Variants in SLC16A10 observed in about 807,000 individuals in gnomAD.
The protein encoded by SLC16A10 is solute carrier family 16 member 10.
A neutral mutation model predicts 40.0 loss-of-function variants in SLC16A10; 27 were observed. The ratio of observed to expected loss-of-function variants is 0.67; its 90% confidence interval spans 0.50 to 0.93. The LOEUF (loss-of-function observed/expected upper bound fraction) is 0.93, where lower values mean the gene tolerates loss of function less well. Ranked by LOEUF, SLC16A10 falls within the 40% of genes least tolerant of loss-of-function variation. The pLI is 0.00. For synonymous variants in SLC16A10, 213 were observed against 249.8 expected (o/e 0.85, Z 1.39); for missense variants, 529 against 658.2 (o/e 0.80, Z 2.15).
At chr6:111,111,438 C>T (rs932387005) in intron 1 of SLC16A10, among the ~76,000 whole-genome samples, 1 of 152,026 alleles carries the variant, frequency 6.6e-6, no homozygotes, top group African/African-American at 2.4e-5. Context: ...AAAATTTTAT[C>T]ATCTGGTCAT....
chr6:111,130,060 G>C (rs368793474), intron 1 of SLC16A10, among the ~76,000 whole-genome samples: 1 of 152,158 alleles, frequency 6.6e-6, no homozygotes, highest in African/African-American at 2.4e-5. Flanking sequence ...CTACACTGGA[G>C]TTACCAACTG....
At chr6:111,151,884 C>T (rs1210825176) in intron 1 of SLC16A10, among the ~76,000 whole-genome samples, 1 of 152,176 alleles carries the variant, frequency 6.6e-6, no homozygotes, top group Non-Finnish European at 1.5e-5. Context: ...GTTATTTTTT[C>T]CCTGCCCATC....
At chr6:111,160,744 C>T (rs1039128541) in intron 1 of SLC16A10, among the ~76,000 whole-genome samples, 2 of 152,188 alleles carry the variant, frequency 1.3e-5, no homozygotes, top group Non-Finnish European at 2.9e-5. Flanking sequence ...TAAGGGGACA[C>T]GGGGTGCTCC....
rs760077720 is a variant in SLC16A10, at chr6:111,222,012, G to A, written c.1325G>A (p.Arg442His). ...TVGPPIAGLL[R>H]DKLGSYDVAF... The stretch of plus-strand genomic sequence containing the variant: ...CTTTTTCCCTTCTCAGGGTTACTTC[G>A]TGACAAACTGGGCTCCTATGATGTG... The change falls in exon 6 of 6, where the codon CGT becomes CAT. Residue 442 changes from arginine (R) to histidine (H), a missense_variant. Physicochemically the swap from Arg to His is conservative, Grantham distance 29. Coordinates refer to ENST00000368851, the MANE Select transcript of SLC16A10 (RefSeq NM_018593.5). 19 of 1,603,226 alleles carry A rather than the reference G, an allele frequency of 1.2e-5. No homozygotes were observed. The highest frequency in any genetic ancestry group is 4.1e-5 in the African/African-American group (3 of 74,018).
Position 111,087,634 on chromosome 6 carries a change from C to T in SLC16A10, c.-119C>T. The T allele has an allele frequency of 3.8e-6, 2 of 525,534 alleles. No homozygotes were observed. Among genetic ancestry groups the T allele is most frequent in the Non-Finnish European group, 2.8e-6 (1 of 363,480 alleles). The allele number at this position is 525,534 out of a possible 1,614,324, so 32.6% of individuals were successfully genotyped here. ...TGCCAGCCCGCCCGCCCGCCAGGGGCTCCGCCGCCCTCGCCTCGGCCTCGT... is the reference window on the plus strand; with the variant it reads ...TGCCAGCCCGCCCGCCCGCCAGGGGTTCCGCCGCCCTCGCCTCGGCCTCGT... On this transcript the variant is annotated 5_prime_UTR_variant, in exon 1 of 6. Transcript: ENST00000368851.
At chr6:111,199,824 A>AT (rs1189627946) in intron 3 of SLC16A10, among the ~76,000 whole-genome samples, 1 of 50,764 alleles carries the variant, frequency 2.0e-5, no homozygotes, top group African/African-American at 5.7e-5. Context: ...ATCCAGGGAA[A>AT]TTTAAAAAAA....
At chr6:111,210,924 G>A (rs950032108) in intron 4 of SLC16A10, among the ~76,000 whole-genome samples, 2 of 151,926 alleles carry the variant, frequency 1.3e-5, no homozygotes, top group African/African-American at 4.8e-5. Context: ...TGGGGAGGCT[G>A]AGGCAGGAGA....
At chr6:111,176,004 A>T (rs1325259892) in intron 2 of SLC16A10, among the ~76,000 whole-genome samples, 1 of 152,122 alleles carries the variant, frequency 6.6e-6, no homozygotes, top group Non-Finnish European at 1.5e-5. Flanking sequence ...CAAGGACCAG[A>T]TTTTTAATAT....
At chr6:111,097,380 C>T (rs1426289267) in intron 1 of SLC16A10, among the ~76,000 whole-genome samples, 1 of 151,948 alleles carries the variant, frequency 6.6e-6, no homozygotes, top group Non-Finnish European at 1.5e-5. Flanking sequence ...GGCGTGATCT[C>T]GGCTCACTGC....
chr6:111,196,616 C>T (rs1339676313), intron 3 of SLC16A10, among the ~76,000 whole-genome samples: 1 of 152,148 alleles, frequency 6.6e-6, no homozygotes, highest in East Asian at 1.9e-4. Flanking sequence ...TTAGATCAGC[C>T]TGGGTAACAT....
intron 1 of SLC16A10, among the ~76,000 whole-genome samples, chr6:111,098,063 T>G (rs1771106385): frequency 6.6e-6 from 1 of 152,026 alleles, no homozygotes; most frequent in African/African-American, 2.4e-5. Context: ...TCTTAGCACT[T>G]TGGGAGGCCG....
intron 3 of SLC16A10, among the ~76,000 whole-genome samples, chr6:111,179,141 T>C (rs1167412407): frequency 6.6e-6 from 1 of 151,902 alleles, no homozygotes; most frequent in Non-Finnish European, 1.5e-5. Flanking sequence ...AAAAAAATTC[T>C]CTTTGGTACT....
At chr6:111,095,148 G>T (rs923398503) in intron 1 of SLC16A10, among the ~76,000 whole-genome samples, 2 of 152,304 alleles carry the variant, frequency 1.3e-5, no homozygotes, top group South Asian at 2.1e-4. Flanking sequence ...CTCTAGCCTT[G>T]CCCCTGCTTC....
intron 1 of SLC16A10, among the ~76,000 whole-genome samples, chr6:111,170,637 C>T (rs138160074): frequency 2.6e-5 from 4 of 151,860 alleles, no homozygotes; most frequent in African/African-American, 9.7e-5. Flanking sequence ...TTAGTAGAGG[C>T]GGAGTTTCAC....
At chr6:111,116,765 G>C (rs763990387) in intron 1 of SLC16A10, among the ~76,000 whole-genome samples, 8 of 152,098 alleles carry the variant, frequency 5.3e-5, no homozygotes, top group African/African-American at 1.2e-4. Flanking sequence ...GTAGAATTTT[G>C]AGTGGATTTC....
chr6:111,159,248 T>C (rs1772329190), intron 1 of SLC16A10, among the ~76,000 whole-genome samples: 1 of 152,178 alleles, frequency 6.6e-6, no homozygotes. Context: ...TGTGTGAATC[T>C]ATATTCCACT....
chr6:111,142,542 T>A (rs1032907400), intron 1 of SLC16A10, among the ~76,000 whole-genome samples: 1 of 152,214 alleles, frequency 6.6e-6, no homozygotes, highest in Non-Finnish European at 1.5e-5. Flanking sequence ...AAAAGAAACC[T>A]GATTTTAAAA....
intron 1 of SLC16A10, among the ~76,000 whole-genome samples, chr6:111,106,474 C>T (rs1210057952): frequency 6.6e-6 from 1 of 152,196 alleles, no homozygotes. Flanking sequence ...TCTAATTAAT[C>T]TGTCTTCATC....
intron 1 of SLC16A10, among the ~76,000 whole-genome samples, chr6:111,159,616 G>A (rs1772334689): frequency 1.3e-5 from 2 of 152,088 alleles, no homozygotes; most frequent in Non-Finnish European, 2.9e-5. Flanking sequence ...TTTTGTATAG[G>A]CATATGCTTT....
Sources: allele counts gnomAD v4.1 joint callset (sites outside exome capture counted in the v4.1 genomes callset), GRCh38; gene constraint gnomAD v4.1.1; transcripts MANE v1.5; gene names NCBI Gene and HGNC (gene_info 2026-07-23, HGNC 2026-07-21).